ZNF331: variants seen among roughly 807,000 people sequenced by gnomAD.
ZNF331 encodes C2H2-like zinc finger protein rearranged in thyroid adenomas.
ZNF331 carries 2 observed loss-of-function variants against 7.0 expected under a neutral mutation model. That is an observed-to-expected ratio of 0.29 (90% CI 0.12 to 0.90). The LOEUF (loss-of-function observed/expected upper bound fraction) is 0.90. ZNF331 is among the 40% of genes least tolerant of loss of function. The pLI is 0.58. For synonymous variants in ZNF331, 196 were observed against 205.4 expected, an observed-to-expected ratio of 0.95 and a Z score of 0.39; for missense variants, 432 against 587.7, an observed-to-expected ratio of 0.74 and a Z score of 2.74.
chr19:53,504,725 T>A, the ZNF331 span, among the ~76,000 whole-genome samples: 1 of 152,220 alleles, frequency 6.6e-6, no homozygotes, highest in Non-Finnish European at 1.5e-5. Flanking sequence ...CTGACAATCT[T>A]ACTTGTTGGC....
chr19:53,567,942 T>G (rs1675537604), intron 3 of ZNF331, among the ~76,000 whole-genome samples: 1 of 151,950 alleles, frequency 6.6e-6, no homozygotes, highest in Non-Finnish European at 1.5e-5. Context: ...GGATACAGAT[T>G]GTCATCACCC....
At chr19:53,572,616 T>C (rs1261791758) in intron 5 of ZNF331, among the ~76,000 whole-genome samples, 1 of 101,840 alleles carries the variant, frequency 9.8e-6, no homozygotes, top group Non-Finnish European at 2.1e-5. Context: ...ATATATTATA[T>C]ATACACATAT....
At chr19:53,565,923 A>G (rs980659728) in intron 3 of ZNF331, among the ~76,000 whole-genome samples, 4 of 151,874 alleles carry the variant, frequency 2.6e-5, no homozygotes, top group African/African-American at 4.9e-5. Context: ...TTTATATTTG[A>G]TAAGGGAATG....
chr19:53,513,507 AT>A, the ZNF331 span, among the ~76,000 whole-genome samples: 2 of 152,010 alleles, frequency 1.3e-5, no homozygotes, highest in African/African-American at 2.4e-5. Flanking sequence ...GTACAGGGGT[AT>A]TTTTTTTCCT....
chr19:53,531,171 T>G (rs1287080966), intron 2 of ZNF331, among the ~76,000 whole-genome samples: 3 of 152,186 alleles, frequency 2.0e-5, no homozygotes, highest in Non-Finnish European at 2.9e-5. Context: ...GGAGGAATCA[T>G]TTACCCATCT....
In ZNF331 at chr19:53,579,899, G is replaced by C. The variant is rs1411575235; in HGVS notation, c.*1947G>C. On this transcript the variant is annotated 3_prime_UTR_variant, in exon 6 of 6. Coordinates refer to ENST00000449416, the MANE Select transcript of ZNF331 (RefSeq NM_001079906.2). ...ATAGAAAATATAAAGAATCCCTCAA[G>C]TTGAAAAAAAAATCAATTTAAAGGG... 1 of 201,820 alleles carries C rather than the reference G, an allele frequency of 5.0e-6. No individual in the cohort carries two copies. Among genetic ancestry groups the C allele is most frequent in the East Asian group, 7.7e-5 (1 of 13,018 alleles). 12.5% of individuals were successfully genotyped at this position (201,820 alleles called of 1,614,324 possible). A position where few individuals can be genotyped will look rare whatever the true frequency, so the allele number is the denominator to read the frequency against.
intron 3 of ZNF331, among the ~76,000 whole-genome samples, chr19:53,568,849 C>CTTT (rs537822108): frequency 1.2e-3 from 95 of 77,092 alleles, no homozygotes; most frequent in African/African-American, 2.7e-3. Context: ...CCATGATACT[C>CTTT]TTTTTTTTTT....
At chr19:53,544,151 C>T (rs1373117953) in intron 2 of ZNF331, among the ~76,000 whole-genome samples, 31 of 150,438 alleles carry the variant, frequency 2.1e-4, no homozygotes, top group Admixed American at 5.3e-4. Context: ...CGCTTGAACC[C>T]GGGAGGCGGA....
chr19:53,532,652 G>A (rs2087586631), intron 2 of ZNF331, among the ~76,000 whole-genome samples: 1 of 151,964 alleles, frequency 6.6e-6, no homozygotes, highest in Non-Finnish European at 1.5e-5. Flanking sequence ...TCAAGTCCTG[G>A]GCTGTTCTTT....
rs2089812584 is a variant in ZNF331, at chr19:53,560,404, C to T, written c.-74+4496C>T. Among the ~76,000 whole-genome samples, 1 of 152,006 alleles carries T rather than the reference C, an allele frequency of 6.6e-6. No homozygotes were observed. Among genetic ancestry groups the T allele is most frequent in the Admixed American group, 6.6e-5 (1 of 15,256 alleles). ...ACACACATATACACAAACATACACA[C>T]AATTATATCACAAGGTCTGATTGTA... is the stretch of plus-strand genomic sequence containing the variant. On this transcript the variant is annotated intron_variant, in intron 3 of 5. Coordinates refer to ENST00000449416, the MANE Select transcript of ZNF331 (RefSeq NM_001079906.2). This position sits in a 1 kb window ranked among gnomAD's most constrained non-coding sequence, Gnocchi z 4.3.
chr19:53,525,199 G>A (rs1258784921), intron 2 of ZNF331, among the ~76,000 whole-genome samples: 1 of 152,188 alleles, frequency 6.6e-6, no homozygotes, highest in Admixed American at 6.5e-5. Context: ...CAGGTAGTGT[G>A]ATGCCTCCAG....
chr19:53,549,616 C>G (rs1484781493), intron 2 of ZNF331, among the ~76,000 whole-genome samples: 4 of 151,052 alleles, frequency 2.6e-5, no homozygotes, highest in South Asian at 2.1e-4. Context: ...ACCTGAGAAA[C>G]ATCTTGTGCA....
intron 2 of ZNF331, among the ~76,000 whole-genome samples, chr19:53,526,252 T>A (rs1174347952): frequency 6.6e-6 from 1 of 152,202 alleles, no homozygotes; most frequent in African/African-American, 2.4e-5. Flanking sequence ...TCTTGCAGTG[T>A]CCTTGTTGGG....
chr19:53,526,294 G>C (rs2087289770), intron 2 of ZNF331, among the ~76,000 whole-genome samples: 1 of 152,140 alleles, frequency 6.6e-6, no homozygotes, highest in Admixed American at 6.6e-5. Context: ...AAATGGGCTT[G>C]GAGATAGTCC....
the ZNF331 span, chr19:53,512,836 A>T: frequency 0.028 from 3,427 of 123,934 alleles, 65 homozygotes; most frequent in African/African-American, 0.067. Flanking sequence ...TTATGAGATC[A>T]AACTAATGCC....
upstream of ZNF331, among the ~76,000 whole-genome samples, chr19:53,514,679 T>C (rs148744470): frequency 0.3 from 40,501 of 133,208 alleles, 6,976 homozygotes; most frequent in Middle Eastern, 0.41. Flanking sequence ...GAGACAGAGT[T>C]TCACACTGTC....
rs569957053 is a variant in ZNF331 at position 53,558,934 on chromosome 19, AC to A, written c.-74+3028del. Reference sequence around the variant, plus strand: ...CCTACATATATACACACACATACACACCATACACACATATACACATACCATA... The same window carrying A: ...CCTACATATATACACACACATACACACATACACACATATACACATACCATA... On this transcript the variant is annotated intron_variant, in intron 3 of 5. Coordinates refer to ENST00000449416, the MANE Select transcript of ZNF331 (RefSeq NM_001079906.2). The surrounding 1 kb of genome is among the most constrained non-coding windows in gnomAD (Gnocchi z 4.5). Among the ~76,000 whole-genome samples the A allele has an allele frequency of 0.022, 2,609 of 117,098 alleles. 126 individuals are homozygous for A. The highest frequency in any genetic ancestry group is 0.1 in the African/African-American group (2,342 of 22,700). 76.8% of individuals were successfully genotyped at this position (117,098 alleles called of 152,430 possible). A position where few individuals can be genotyped will look rare whatever the true frequency, so the allele number is the denominator to read the frequency against.
Position 53,576,874 on chromosome 19 carries a change from T to C in ZNF331, c.314T>C (p.Ile105Thr). 2 of 1,614,108 alleles carry C rather than the reference T, an allele frequency of 1.2e-6. No homozygotes were observed. The highest frequency in any genetic ancestry group is 2.2e-5 in the South Asian group (2 of 91,084). The part of the protein sequence containing the change: ...SRGRYVNQMI[I>T]NYVKRPATRE... ...GGGAGGTATGTCAATCAGATGATCA[T>C]CAATTATGTCAAAAGACCTGCTACT... The change falls in exon 6 of 6, where the codon ATC becomes ACC. Residue 105 changes from isoleucine to threonine, a missense_variant. Ile to Thr is a moderately conservative substitution (Grantham distance 89). Around this residue, in one of 3 missense-constraint regions of ZNF331, gnomAD observed 81 missense variants for 70.3 expected, o/e 1.15. Coordinates refer to ENST00000449416, the MANE Select transcript of ZNF331 (RefSeq NM_001079906.2).
chr19:53,535,738 A>C (rs949979836), upstream of ZNF331, among the ~76,000 whole-genome samples: 27 of 152,076 alleles, frequency 1.8e-4, no homozygotes, highest in African/African-American at 6.3e-4. Flanking sequence ...AGTAACGAAT[A>C]TTGACTGTAA....
Sources: gnomAD v4.1 joint callset for allele counts (sites outside exome capture counted in the v4.1 genomes callset) on GRCh38, gnomAD v4.1.1 for gene constraint, gnomAD v4.1.1 regional missense constraint, Gnocchi (gnomAD v3.1) non-coding constraint, MANE v1.5 for transcripts, NCBI Gene and HGNC (gene_info 2026-07-23, HGNC 2026-07-21) for gene names.